The following PPP2R2C variants were observed in gnomAD, a reference collection of about 807,000 sequenced individuals.
The protein encoded by PPP2R2C is protein phosphatase 2, regulatory subunit B, gamma.
In PPP2R2C, 10 loss-of-function variants were observed where a neutral mutation model predicts 45.3. The ratio of observed to expected loss-of-function variants is 0.22; its 90% CI spans 0.14 to 0.37. PPP2R2C has a LOEUF of 0.37. Ranked by LOEUF, PPP2R2C falls within the 10% of genes least tolerant of loss-of-function variation. The pLI is 1.00. For synonymous variants in PPP2R2C, 257 were observed against 245.4 expected, an observed-to-expected ratio of 1.05 and a Z score of -0.44; for missense variants, 308 against 619.7, an observed-to-expected ratio of 0.50 and a Z score of 5.34.
intron 1 of PPP2R2C, chr4:6,381,550 G>A (rs1715797930): frequency 2.8e-6 from 4 of 1,409,282 alleles, no homozygotes; most frequent in Non-Finnish European, 3.7e-6. Context: ...CCTCTGCTAG[G>A]GGCCCACTCA....
chr4:6,556,696 C>T, intron 1 of PPP2R2C, among the ~76,000 whole-genome samples: 1 of 152,124 alleles, frequency 6.6e-6, no homozygotes, highest in East Asian at 1.9e-4. Flanking sequence ...CTTGCCAACC[C>T]ATGCATTAGT....
Position 6,334,625 on chromosome 4 carries a change from G to A in PPP2R2C, c.791-894C>T, listed in dbSNP as rs536016097. Among the ~76,000 whole-genome samples the A allele has an allele frequency of 5.9e-5, 9 of 152,280 alleles. No individual in the cohort carries two copies. In the East Asian group the frequency reaches 1.5e-3, roughly 26 times the overall value. On this transcript the variant is annotated intron_variant, in intron 6 of 8. Transcript: ENST00000382599. ...GGGGACTAGGACCCCTGTTGGGCCAGGCACTAACTCCCTAGGACCTGGGCC... is the reference window on the plus strand; with the variant it reads ...GGGGACTAGGACCCCTGTTGGGCCAAGCACTAACTCCCTAGGACCTGGGCC...
intron 1 of PPP2R2C, among the ~76,000 whole-genome samples, chr4:6,413,338 ACT>A (rs1441526330): frequency 6.6e-6 from 1 of 152,064 alleles, no homozygotes; most frequent in Non-Finnish European, 1.5e-5. Context: ...ACACTGACAC[ACT>A]CTCATACTCG....
intron 8 of PPP2R2C, 63 bp from the exon 9 acceptor site, chr4:6,323,656 C>A: frequency 2.8e-6 from 4 of 1,431,270 alleles, no homozygotes; most frequent in East Asian, 2.5e-5. Flanking sequence ...AGAAATAAGC[C>A]CAGGTGTGGG....
In PPP2R2C at chr4:6,323,609, G is replaced by C; in HGVS notation, c.1053-16C>G. The C allele has an allele frequency of 6.5e-7, 1 of 1,535,874 alleles. No individual in the cohort carries two copies. Among genetic ancestry groups the C allele is most frequent in the Non-Finnish European group, 8.8e-7 (1 of 1,135,730 alleles). On this transcript the variant is annotated splice_polypyrimidine_tract_variant and intron_variant, in intron 8 of 8. Coordinates refer to ENST00000382599, the MANE Select transcript of PPP2R2C (RefSeq NM_020416.4). ...CATGATGACGCTGGTGGGAGAAGGAGAGGCATCAGGTGAGGAGGAGCACAA... is the reference window on the plus strand; with the variant it reads ...CATGATGACGCTGGTGGGAGAAGGACAGGCATCAGGTGAGGAGGAGCACAA...
At chr4:6,363,584 AAAAAAGAAAAG>A (rs890273952) in intron 5 of PPP2R2C, among the ~76,000 whole-genome samples, 32 of 152,156 alleles carry the variant, frequency 2.1e-4, no homozygotes, top group African/African-American at 7.7e-4. Context: ...ATCTCAAAAA[AAAAAAGAAAAG>A]AAAAAGAAAG....
At chr4:6,355,769 T>A (rs1291131551) in intron 5 of PPP2R2C, among the ~76,000 whole-genome samples, 1 of 151,736 alleles carries the variant, frequency 6.6e-6, no homozygotes. Context: ...GGCAGGAGGA[T>A]CACTTGAGGT....
intron 1 of PPP2R2C, chr4:6,414,135 A>T (rs1718402501): frequency 8.2e-7 from 1 of 1,221,960 alleles, no homozygotes; most frequent in East Asian, 2.9e-5. Flanking sequence ...CAGGTAAATA[A>T]ACATTGAAAG....
intron 6 of PPP2R2C, among the ~76,000 whole-genome samples, chr4:6,335,225 G>T (rs973437791): frequency 6.6e-6 from 1 of 152,120 alleles, no homozygotes; most frequent in East Asian, 1.9e-4. Flanking sequence ...ACTAAGTGGC[G>T]CCCTCCACCG....
intron 1 of PPP2R2C, among the ~76,000 whole-genome samples, chr4:6,556,037 G>A (rs1223312853): frequency 6.6e-6 from 1 of 152,172 alleles, no homozygotes; most frequent in Admixed American, 6.5e-5. Context: ...GCACCCACAG[G>A]CAGGCTAGCG....
At chr4:6,410,750 G>A (rs1718116129) in intron 1 of PPP2R2C, among the ~76,000 whole-genome samples, 1 of 152,088 alleles carries the variant, frequency 6.6e-6, no homozygotes, top group South Asian at 2.1e-4. Flanking sequence ...CCCTTTCTCA[G>A]AAACGTGTGC....
At chr4:6,387,438 A>C (rs148298789) in intron 1 of PPP2R2C, among the ~76,000 whole-genome samples, 4 of 152,354 alleles carry the variant, frequency 2.6e-5, no homozygotes, top group African/African-American at 7.2e-5. Context: ...TGGCACCCAG[A>C]AGACTCTTTT....
chr4:6,427,194 C>T (rs1233798501), intron 1 of PPP2R2C, among the ~76,000 whole-genome samples: 1 of 152,238 alleles, frequency 6.6e-6, no homozygotes, highest in Non-Finnish European at 1.5e-5. Flanking sequence ...ACTGTATGCC[C>T]AGTGCCTAGA....
At chr4:6,430,574 G>T (rs1366221171) in intron 1 of PPP2R2C, among the ~76,000 whole-genome samples, 1 of 152,188 alleles carries the variant, frequency 6.6e-6, no homozygotes, top group Non-Finnish European at 1.5e-5. Context: ...ATGTTGAAAT[G>T]TTCATTTAGC....
intron 1 of PPP2R2C, among the ~76,000 whole-genome samples, chr4:6,451,128 G>A (rs1284963921): frequency 2.6e-5 from 4 of 152,280 alleles, no homozygotes; most frequent in Non-Finnish European, 5.9e-5. Flanking sequence ...CACCCGACAC[G>A]GTACCATCAC....
chr4:6,511,798 A>G (rs796640650), intron 2 of PPP2R2C, among the ~76,000 whole-genome samples: 997 of 5,656 alleles, frequency 0.18, 38 homozygotes, highest in Middle Eastern at 0.33. Context: ...GGTGATGGTG[A>G]TGGTGGTGTT....
At chr4:6,415,005 G>A (rs1190699882) in intron 1 of PPP2R2C, among the ~76,000 whole-genome samples, 2 of 152,212 alleles carry the variant, frequency 1.3e-5, no homozygotes, top group East Asian at 3.9e-4. Context: ...TCGCTCACAC[G>A]ACAGGAAGGG....
intron 1 of PPP2R2C, among the ~76,000 whole-genome samples, chr4:6,395,250 C>T (rs1312695139): frequency 1.3e-5 from 2 of 152,210 alleles, no homozygotes; most frequent in African/African-American, 2.4e-5. Context: ...GCCCCTTCCC[C>T]GTGGCCAGCC....
chr4:6,395,511 T>C (rs1406236647), intron 1 of PPP2R2C, among the ~76,000 whole-genome samples: 2 of 152,140 alleles, frequency 1.3e-5, no homozygotes, highest in Non-Finnish European at 2.9e-5. Flanking sequence ...CGTGTCTCGG[T>C]CTCTGGAGGA....
Sources: allele counts gnomAD v4.1 joint callset (sites outside exome capture counted in the v4.1 genomes callset), GRCh38; gene constraint gnomAD v4.1.1; transcripts MANE v1.5; gene names NCBI Gene and HGNC (gene_info 2026-07-23, HGNC 2026-07-21).